The following ZFPM2 variants were observed in gnomAD, a reference collection of about 807,000 sequenced individuals.
The protein encoded by ZFPM2 is zinc finger protein, FOG family member 2.
In ZFPM2, 20 loss-of-function variants were observed where a neutral mutation model predicts 98.6. That is an observed-to-expected ratio of 0.20 (90% CI 0.14 to 0.29). ZFPM2 has a LOEUF of 0.29. Ranked by LOEUF, ZFPM2 falls within the 10% of genes least tolerant of loss-of-function variation. The pLI is 1.00. For synonymous variants in ZFPM2, 518 were observed against 502.7 expected (o/e 1.03, Z -0.41); for missense variants, 1,310 against 1,388.6 (o/e 0.94, Z 0.90).
chr8:105,521,115 A>G (rs1814045681), intron 3 of ZFPM2, among the ~76,000 whole-genome samples: 1 of 140,954 alleles, frequency 7.1e-6, no homozygotes, highest in Non-Finnish European at 1.5e-5. Context: ...AAATTTGTGT[A>G]TGTGTGTATA....
At chr8:105,414,585 T>C (rs1374663163) in intron 1 of ZFPM2, among the ~76,000 whole-genome samples, 1 of 151,990 alleles carries the variant, frequency 6.6e-6, no homozygotes, top group African/African-American at 2.4e-5. Context: ...TCAGAATGCC[T>C]ATATGTTTTC....
At chr8:105,442,452 C>T (rs1201661382) in intron 2 of ZFPM2, among the ~76,000 whole-genome samples, 1 of 152,208 alleles carries the variant, frequency 6.6e-6, no homozygotes, top group Non-Finnish European at 1.5e-5. Flanking sequence ...CAAAAACGGA[C>T]TGTCTTTTTC....
chr8:105,377,715 G>A (rs528547840), intron 1 of ZFPM2, among the ~76,000 whole-genome samples: 1 of 151,874 alleles, frequency 6.6e-6, no homozygotes, highest in African/African-American at 2.4e-5. Context: ...AGAAGGTGGA[G>A]GTTGCAGTGA....
intron 3 of ZFPM2, among the ~76,000 whole-genome samples, chr8:105,472,584 G>A (rs1812925733): frequency 6.6e-6 from 1 of 152,030 alleles, no homozygotes; most frequent in African/African-American, 2.4e-5. Flanking sequence ...CTCACTGCAA[G>A]CTCTGCCTCC....
intron 2 of ZFPM2, among the ~76,000 whole-genome samples, chr8:105,427,061 C>T (rs1300541815): frequency 6.6e-6 from 1 of 152,064 alleles, no homozygotes; most frequent in African/African-American, 2.4e-5. Context: ...TCTTAAAAGT[C>T]CCAAAACATA....
intron 5 of ZFPM2, among the ~76,000 whole-genome samples, chr8:105,752,328 C>T (rs1380639191): frequency 2.0e-5 from 3 of 152,076 alleles, no homozygotes; most frequent in East Asian, 1.9e-4. Context: ...TGTGTTCCGT[C>T]GTCAAGAACA....
chr8:105,354,981 A>C (rs1812713868), intron 1 of ZFPM2, among the ~76,000 whole-genome samples: 1 of 152,076 alleles, frequency 6.6e-6, no homozygotes, highest in East Asian at 1.9e-4. Context: ...AACACAAAAA[A>C]CAGCGGCAAC....
chr8:105,559,062 C>G (rs1477777080), intron 3 of ZFPM2, among the ~76,000 whole-genome samples: 1 of 151,550 alleles, frequency 6.6e-6, no homozygotes, highest in East Asian at 1.9e-4. Context: ...TCTCTGACAT[C>G]AGAGTAGATT....
intron 5 of ZFPM2, among the ~76,000 whole-genome samples, chr8:105,674,972 G>A (rs968242285): frequency 2.0e-5 from 3 of 152,134 alleles, no homozygotes; most frequent in African/African-American, 4.8e-5. Flanking sequence ...TGGATTAGAC[G>A]TTTGTATGTT....
At chr8:105,424,998 TTGAC>T (rs1811878106) in intron 2 of ZFPM2, among the ~76,000 whole-genome samples, 1 of 152,164 alleles carries the variant, frequency 6.6e-6, no homozygotes, top group Non-Finnish European at 1.5e-5. Flanking sequence ...AAGGTGAACT[TTGAC>T]TGGAGACTTG....
chr8:105,502,191 A>C lies in ZFPM2; in HGVS notation c.301+57810A>C, dbSNP rs557623336. 4.3e-4 allele frequency among the ~76,000 whole-genome samples: 61 copies of C among 143,102 alleles called. 1 individual carries two copies. The South Asian group carries it at 8.2e-3, about 19-fold the overall frequency. 93.9% of individuals were successfully genotyped at this position (143,102 alleles called of 152,430 possible). A position where few individuals can be genotyped will look rare whatever the true frequency, so the allele number is the denominator to read the frequency against. On this transcript the variant is annotated intron_variant, in intron 3 of 7. Coordinates refer to ENST00000407775, the MANE Select transcript of ZFPM2 (RefSeq NM_012082.4). ...AGAAACAATTACATATTGACTTGGA[A>C]AATTATTTTGAGGATAAGTTTTTTT...
chr8:105,404,448 A>G (rs1465850662), intron 1 of ZFPM2, among the ~76,000 whole-genome samples: 1 of 152,112 alleles, frequency 6.6e-6, no homozygotes, highest in Non-Finnish European at 1.5e-5. Context: ...GATCCTGGAT[A>G]TAAAAGATGT....
intron 1 of ZFPM2, among the ~76,000 whole-genome samples, chr8:105,391,178 T>C (rs1221874257): frequency 6.6e-6 from 1 of 152,232 alleles, no homozygotes; most frequent in Non-Finnish European, 1.5e-5. Flanking sequence ...GTACCATTTT[T>C]CCACCAGTGT....
intron 4 of ZFPM2, among the ~76,000 whole-genome samples, chr8:105,602,728 A>G (rs778827791): frequency 9.9e-5 from 15 of 152,106 alleles, no homozygotes; most frequent in Non-Finnish European, 1.5e-4. Context: ...TATTCTGGCC[A>G]TGAACTTGGC....
At chr8:105,748,097 T>C (rs1052432505) in intron 5 of ZFPM2, among the ~76,000 whole-genome samples, 1 of 152,088 alleles carries the variant, frequency 6.6e-6, no homozygotes, top group Non-Finnish European at 1.5e-5. Context: ...TATAAAATTA[T>C]ATATTATCAT....
Position 105,803,120 on chromosome 8 carries a change from A to T in ZFPM2, c.3038A>T (p.Glu1013Val). 2.5e-6 allele frequency: 4 copies of T among 1,613,936 alleles called. No individual in the cohort carries two copies. Among genetic ancestry groups the T allele is most frequent in the Non-Finnish European group, 3.4e-6 (4 of 1,179,872 alleles). ...DIEQSRNAEN[E>V]SPKGQASSNG... is the part of the protein sequence containing the mutation. ...GAGCAAAGCAGAAATGCAGAAAATG[A>T]ATCTCCTAAAGGCCAGGCTTCCTCA... Residue 1013 changes from glutamate to valine, a missense_variant, in exon 8 of 8, where the codon GAA becomes GTA. Glu to Val is a moderately radical substitution (Grantham distance 121, BLOSUM62 -2). Transcript: ENST00000407775.
At chr8:105,702,256 T>G (rs990006083) in intron 5 of ZFPM2, among the ~76,000 whole-genome samples, 2 of 152,222 alleles carry the variant, frequency 1.3e-5, no homozygotes, top group Non-Finnish European at 2.9e-5. Flanking sequence ...AGAAACGGGT[T>G]TCAACAAACA....
At chr8:105,766,547 G>A (rs1003093041) in intron 5 of ZFPM2, among the ~76,000 whole-genome samples, 1 of 151,854 alleles carries the variant, frequency 6.6e-6, no homozygotes, top group Non-Finnish European at 1.5e-5. Context: ...AAGGGGATTA[G>A]GCATTGAGAG....
chr8:105,663,709 T>G (rs1256057867), intron 5 of ZFPM2, among the ~76,000 whole-genome samples: 2 of 152,180 alleles, frequency 1.3e-5, no homozygotes, highest in Non-Finnish European at 2.9e-5. Context: ...AAAAGAAATC[T>G]GAGGCACAGA....
Sources: gnomAD v4.1 joint callset for allele counts (sites outside exome capture counted in the v4.1 genomes callset) on GRCh38, gnomAD v4.1.1 for gene constraint, MANE v1.5 for transcripts, NCBI Gene and HGNC (gene_info 2026-07-23, HGNC 2026-07-21) for gene names.